AMACR: variants seen among roughly 807,000 people sequenced by gnomAD.
AMACR encodes the protein 2-methylacyl-CoA racemase.
A neutral mutation model predicts 22.2 loss-of-function variants in AMACR; 18 were observed. The observed-to-expected ratio is 0.81, with a 90% CI of 0.56 to 1.20. The LOEUF is 1.20. Among genes scored for constraint, AMACR ranks in the 50% most tolerant of loss-of-function variants. The pLI, the probability that AMACR is intolerant of heterozygous loss-of-function variation, is 0.00. For synonymous variants in AMACR, 213 were observed against 191.3 expected, an observed-to-expected ratio of 1.11 and a Z score of -0.94; for missense variants, 499 against 490.6, an observed-to-expected ratio of 1.02 and a Z score of -0.16.
At chr5:34,007,445 T>A (rs1035833812) in intron 1 of AMACR, among the ~76,000 whole-genome samples, 2 of 152,060 alleles carry the variant, frequency 1.3e-5, no homozygotes, top group African/African-American at 4.8e-5. Context: ...TTCATTAGAT[T>A]CTCACAGGGT....
At chr5:33,994,538 A>G (rs34213373) in intron 4 of AMACR, among the ~76,000 whole-genome samples, 16 of 152,198 alleles carry the variant, frequency 1.1e-4, no homozygotes, top group African/African-American at 3.4e-4. Context: ...GAAGAAATGT[A>G]TATGTGATTA....
chr5:33,997,984 G>C (rs1753695079), intron 4 of AMACR, among the ~76,000 whole-genome samples: 1 of 149,340 alleles, frequency 6.7e-6, no homozygotes, highest in Non-Finnish European at 1.5e-5. Flanking sequence ...TCACTTCAGA[G>C]TATATTCTAA....
intron 3 of AMACR, 44 bp from the exon 4 acceptor site, chr5:33,998,871 G>GTCAAA (rs756583873): frequency 6.3e-7 from 1 of 1,580,756 alleles, no homozygotes; most frequent in Non-Finnish European, 8.7e-7. Flanking sequence ...TAACTCAAGT[G>GTCAAA]TCAAAGCATG....
At chr5:33,998,608 G>C in intron 4 of AMACR, 33 bp downstream of exon 4, 3 of 1,561,772 alleles carry the variant, frequency 1.9e-6, no homozygotes, top group Non-Finnish European at 2.6e-6. Flanking sequence ...ACAGCAAAAG[G>C]GGAACTGGGG....
chr5:34,007,681 C>T, intron 1 of AMACR, 92 bp downstream of exon 1: 1 of 1,447,288 alleles, frequency 6.9e-7, no homozygotes, highest in Non-Finnish European at 9.1e-7. Context: ...GGCAACAGGG[C>T]AAAGGTGTGG....
At chr5:33,992,384 TA>T (rs908354480) in intron 4 of AMACR, among the ~76,000 whole-genome samples, 2 of 149,656 alleles carry the variant, frequency 1.3e-5, no homozygotes, top group African/African-American at 4.9e-5. Context: ...TAAATTTATA[TA>T]ATTATATATA....
At chr5:33,996,432 T>C (rs1316848607) in intron 4 of AMACR, among the ~76,000 whole-genome samples, 1 of 152,104 alleles carries the variant, frequency 6.6e-6, no homozygotes, top group East Asian at 1.9e-4. Context: ...TTGAGGCTCT[T>C]CACAAGCAAG....
rs2112042189 is a variant in AMACR at position 33,993,447 on chromosome 5, G to C, written c.740-3945C>G. 1.3e-5 allele frequency among the ~76,000 whole-genome samples: 2 copies of C among 152,180 alleles called. 1 individual carries two copies. The highest frequency in any genetic ancestry group is 6.8e-3 in the Middle Eastern group (2 of 294). On this transcript the variant is annotated intron_variant, in intron 4 of 4. Coordinates refer to ENST00000335606, the MANE Select transcript of AMACR (RefSeq NM_014324.6). ...TTCTTTTGGTTATATACTTAGAAGT[G>C]GAATTGCTAGATCATACAATTCTAT...
At chr5:33,989,572 G>A in intron 4 of AMACR, 70 bp from the exon 5 acceptor site, 1 of 1,290,868 alleles carries the variant, frequency 7.7e-7, no homozygotes. Context: ...AAAAATGAAT[G>A]CTGAGCCCAC....
chr5:33,994,772 G>T (rs1753587525), intron 4 of AMACR, among the ~76,000 whole-genome samples: 1 of 152,086 alleles, frequency 6.6e-6, no homozygotes, highest in South Asian at 2.1e-4. Context: ...AAAAAATCAG[G>T]GGAGTTACAA....
At chr5:33,990,129 G>C (rs1753430988) in intron 4 of AMACR, among the ~76,000 whole-genome samples, 1 of 152,060 alleles carries the variant, frequency 6.6e-6, no homozygotes, top group East Asian at 1.9e-4. Context: ...AACACAGCAA[G>C]ACCCCCATCA....
chr5:34,004,120 G>T (rs1239339574), intron 3 of AMACR, among the ~76,000 whole-genome samples: 1 of 152,204 alleles, frequency 6.6e-6, no homozygotes, highest in Non-Finnish European at 1.5e-5. Flanking sequence ...CAGCAGGAAG[G>T]TTTAGACAGG....
At chr5:34,006,446 A>G (rs1465890426) in intron 1 of AMACR, among the ~76,000 whole-genome samples, 1 of 152,266 alleles carries the variant, frequency 6.6e-6, no homozygotes, top group Non-Finnish European at 1.5e-5. Flanking sequence ...TAGTATTTAT[A>G]GCACAAACCC....
chr5:33,988,448 C>T lies in AMACR; in HGVS notation c.*645G>A. ...CAGGCCCCGAGTTACTGGATACAGGCAACCCTAAAACTGACTGTCCCTCTG... is the reference window on the plus strand; with the variant it reads ...CAGGCCCCGAGTTACTGGATACAGGTAACCCTAAAACTGACTGTCCCTCTG... On this transcript the variant is annotated 3_prime_UTR_variant, in exon 5 of 5. Coordinates refer to ENST00000335606, the MANE Select transcript of AMACR (RefSeq NM_014324.6). 1 of 1,532,506 alleles carries T rather than the reference C, an allele frequency of 6.5e-7. No homozygotes were observed. The highest frequency in any genetic ancestry group is 1.2e-5 in the South Asian group (1 of 83,384). 94.9% of individuals were successfully genotyped at this position (1,532,506 alleles called of 1,614,324 possible). A position where few individuals can be genotyped will look rare whatever the true frequency, so the allele number is the denominator to read the frequency against.
chr5:33,995,550 G>A (rs1428828502), intron 4 of AMACR, among the ~76,000 whole-genome samples: 2 of 152,198 alleles, frequency 1.3e-5, no homozygotes, highest in African/African-American at 2.4e-5. Context: ...GATGGAAAAC[G>A]CATTAACTTT....
At chr5:33,992,638 A>C (rs565585139) in intron 4 of AMACR, among the ~76,000 whole-genome samples, 71 of 152,234 alleles carry the variant, frequency 4.7e-4, no homozygotes, top group African/African-American at 1.5e-3. Context: ...TAAGCCCAGG[A>C]GGTCAAGACT....
intron 3 of AMACR, among the ~76,000 whole-genome samples, chr5:34,001,616 T>C (rs567592208): frequency 5.9e-5 from 9 of 152,362 alleles, no homozygotes; most frequent in African/African-American, 2.2e-4. Context: ...TTAACAACGC[T>C]GTGCTCATCA....
intron 2 of AMACR, among the ~76,000 whole-genome samples, chr5:34,005,168 T>C (rs1753933448): frequency 6.6e-6 from 1 of 152,220 alleles, no homozygotes; most frequent in African/African-American, 2.4e-5. Context: ...TCCTCAACTT[T>C]TAAATGTGTA....
At chr5:33,991,491 A>T (rs1160390153) in intron 4 of AMACR, among the ~76,000 whole-genome samples, 1 of 152,096 alleles carries the variant, frequency 6.6e-6, no homozygotes, top group African/African-American at 2.4e-5. Flanking sequence ...AGTCAAACAG[A>T]TTTTCAGGAA....
Sources: allele counts gnomAD v4.1 joint callset (sites outside exome capture counted in the v4.1 genomes callset), GRCh38; gene constraint gnomAD v4.1.1; transcripts MANE v1.5; gene names NCBI Gene and HGNC (gene_info 2026-07-23, HGNC 2026-07-21).